Variants in HS1BP3 observed in about 807,000 individuals in gnomAD.
HS1BP3 encodes HCLS1-binding protein 3.
Under a neutral mutation model 33.5 loss-of-function variants are expected in HS1BP3, and 32 were observed. The ratio of observed to expected loss-of-function variants is 0.95; its 90% confidence interval spans 0.72 to 1.28. HS1BP3 has a LOEUF of 1.28. Among genes scored for constraint, HS1BP3 ranks in the 50% most tolerant of loss-of-function variants. HS1BP3 has a pLI of 0.00. For synonymous variants in HS1BP3, 187 were observed against 209.2 expected (o/e 0.89, Z 0.92); for missense variants, 486 against 502.3 (o/e 0.97, Z 0.31).
At chr2:20,584,564 G>A (rs1353387245) in intron 5 of HS1BP3, among the ~76,000 whole-genome samples, 2 of 152,232 alleles carry the variant, frequency 1.3e-5, no homozygotes, top group African/African-American at 4.8e-5. Context: ...AATGGCAAGA[G>A]GTGGTTTCTG....
downstream of HS1BP3, among the ~76,000 whole-genome samples, chr2:20,558,683 AGG>A (rs1038068828): frequency 2.0e-5 from 3 of 152,244 alleles, no homozygotes; most frequent in African/African-American, 7.2e-5. Context: ...CCAGCGGCAC[AGG>A]GGAGACTTGG....
intron 6 of HS1BP3, among the ~76,000 whole-genome samples, chr2:20,619,783 C>T (rs559626973): frequency 6.6e-5 from 10 of 152,218 alleles, no homozygotes; most frequent in Non-Finnish European, 1.3e-4. Context: ...AACAGGACAT[C>T]GGCCCTTAGA....
chr2:20,577,937 G>A (rs764739974), intron 5 of HS1BP3, among the ~76,000 whole-genome samples: 46 of 152,352 alleles, frequency 3.0e-4, no homozygotes, highest in Non-Finnish European at 5.1e-4. Context: ...CAGGGCACTC[G>A]TTCCTCAAGC....
At chr2:20,634,957 C>A in intron 4 of HS1BP3, 1 of 151,864 alleles carries the variant, frequency 6.6e-6, no homozygotes. Flanking sequence ...CAGCCTGTCC[C>A]AAGGACGCTG....
chr2:20,599,648 A>C, intron 2 of HS1BP3, among the ~76,000 whole-genome samples: 1 of 132,038 alleles, frequency 7.6e-6, no homozygotes. Flanking sequence ...ACACACACAC[A>C]CTCTGTTTTT....
downstream of HS1BP3, among the ~76,000 whole-genome samples, chr2:20,557,646 T>A (rs1203220712): frequency 6.6e-6 from 1 of 152,162 alleles, no homozygotes; most frequent in African/African-American, 2.4e-5. Flanking sequence ...TTTGGGTCCC[T>A]CTGAGAAAGC....
At chr2:20,616,386 T>C (rs1694426054), downstream of HS1BP3, among the ~76,000 whole-genome samples, 1 of 152,100 alleles carries the variant, frequency 6.6e-6, no homozygotes, top group Non-Finnish European at 1.5e-5. Context: ...CATCCCTGGG[T>C]CCCAGGGCTG....
rs62122091 is a variant in HS1BP3, at chr2:20,630,199, G to A, written c.624-5307C>T. 9.8e-5 allele frequency among the ~76,000 whole-genome samples: 15 copies of A among 152,292 alleles called. No homozygotes were observed. The South Asian group carries it at 1.0e-3, about 11-fold the overall frequency. ...CCTCCTTGCCAATGATGCAAACTGC[G>A]TGCTTTAAACTAATGCACTTTTCAT... is the stretch of plus-strand genomic sequence containing the variant. On this transcript the variant is annotated intron_variant, in intron 4 of 6. Transcript: ENST00000304031.
chr2:20,571,645 C>G (rs1395128916), intron 5 of HS1BP3, among the ~76,000 whole-genome samples: 1 of 152,184 alleles, frequency 6.6e-6, no homozygotes, highest in African/African-American at 2.4e-5. Flanking sequence ...CTGCTCACTC[C>G]CTCCAGCCTC....
At chr2:20,622,421 C>T (rs1196155188) in intron 6 of HS1BP3, 3 of 855,576 alleles carry the variant, frequency 3.5e-6, no homozygotes, top group Admixed American at 2.3e-5. Context: ...CAGGGACTCC[C>T]CAAGCGCTCT....
At chr2:20,600,768 T>C (rs186747971) in intron 2 of HS1BP3, among the ~76,000 whole-genome samples, 202 of 152,334 alleles carry the variant, frequency 1.3e-3, no homozygotes, top group African/African-American at 4.6e-3. Context: ...GTGGTTATCT[T>C]TGAAAAATGA....
chr2:20,564,283 G>T (rs1044653685), intron 5 of HS1BP3, among the ~76,000 whole-genome samples: 1 of 152,218 alleles, frequency 6.6e-6, no homozygotes, highest in African/African-American at 2.4e-5. Flanking sequence ...GTCTACTGCA[G>T]GGTGGACGGC....
intron 5 of HS1BP3, among the ~76,000 whole-genome samples, chr2:20,567,803 A>G (rs1225839761): frequency 1.3e-5 from 2 of 152,192 alleles, no homozygotes; most frequent in East Asian, 3.9e-4. Context: ...TAGGACCCAC[A>G]GTGTCCCTTC....
At chr2:20,560,003 T>C (rs1007445933), downstream of HS1BP3, among the ~76,000 whole-genome samples, 5 of 152,142 alleles carry the variant, frequency 3.3e-5, no homozygotes, top group Admixed American at 2.6e-4. Flanking sequence ...GAATACCAGG[T>C]GACCTGTTTC....
In HS1BP3 at chr2:20,609,497, C is replaced by T. The variant is rs182760429; in HGVS notation, c.179-11232G>A. Reference sequence around the variant, plus strand: ...CTAGGGAGCACATTGAACAGTTTTCCGAATACTGAGGCTCCTCTTGGCTTC... The same window carrying T: ...CTAGGGAGCACATTGAACAGTTTTCTGAATACTGAGGCTCCTCTTGGCTTC... On this transcript the variant is annotated intron_variant, in intron 2 of 3. Coordinates refer to the HS1BP3 transcript ENST00000415264. 1.6e-4 allele frequency among the ~76,000 whole-genome samples: 24 copies of T among 152,222 alleles called. No homozygotes were observed. In the East Asian group the frequency reaches 3.1e-3, roughly 20 times the overall value.
intron 4 of HS1BP3, among the ~76,000 whole-genome samples, chr2:20,628,504 G>A (rs1694863446): frequency 1.3e-5 from 2 of 152,082 alleles, no homozygotes; most frequent in Admixed American, 6.5e-5. Context: ...GCATGGTGGT[G>A]CATGCCTGTA....
intron 3 of HS1BP3, among the ~76,000 whole-genome samples, chr2:20,597,843 C>G (rs1215682378): frequency 6.6e-6 from 1 of 152,134 alleles, no homozygotes; most frequent in Non-Finnish European, 1.5e-5. Flanking sequence ...CCCGTAAACC[C>G]TTGCTGTTGT....
intron 2 of HS1BP3, among the ~76,000 whole-genome samples, chr2:20,600,708 C>A (rs981908132): frequency 3.9e-5 from 6 of 152,056 alleles, no homozygotes; most frequent in African/African-American, 1.5e-4. Flanking sequence ...AAACTCATAT[C>A]CATATGTATA....
chr2:20,574,310 G>A (rs1693348048), intron 5 of HS1BP3, among the ~76,000 whole-genome samples: 2 of 152,148 alleles, frequency 1.3e-5, no homozygotes, highest in African/African-American at 4.8e-5. Context: ...AAGGCGCTCT[G>A]GAAATAGATG....
Sources: allele counts gnomAD v4.1 joint callset (sites outside exome capture counted in the v4.1 genomes callset), GRCh38; gene constraint gnomAD v4.1.1; transcripts MANE v1.5; gene names NCBI Gene and HGNC (gene_info 2026-07-23, HGNC 2026-07-21).